UPF2: variants seen among roughly 807,000 people sequenced by gnomAD.
UPF2 encodes regulator of nonsense transcripts 2.
A neutral mutation model predicts 141.4 loss-of-function variants in UPF2; 17 were observed. The ratio of observed to expected loss-of-function variants is 0.12; its 90% CI spans 0.08 to 0.18. UPF2 has a LOEUF of 0.18. Ranked by LOEUF, UPF2 falls within the 10% of genes least tolerant of loss-of-function variation. The pLI, the probability that UPF2 is intolerant of heterozygous loss-of-function variation, is 1.00. For missense variants in UPF2, 1,152 were observed against 1,515.9 expected (o/e 0.76, Z 3.99); for synonymous variants, 540 against 498.0 (o/e 1.08, Z -1.12).
chr10:12,031,035 G>A (rs1465154231), intron 2 of UPF2, among the ~76,000 whole-genome samples: 11 of 147,900 alleles, frequency 7.4e-5, no homozygotes, highest in East Asian at 4.0e-4. Flanking sequence ...TTAGCCGGGC[G>A]CAGTGGCAGG....
chr10:11,954,646 AT>A lies in UPF2; in HGVS notation c.2850+585del, dbSNP rs200603678. Among the ~76,000 whole-genome samples, 423 of 59,626 alleles carry A rather than the reference AT, an allele frequency of 7.1e-3. 3 individuals are homozygous for A. Among genetic ancestry groups the A allele is most frequent in the African/African-American group, 0.014 (274 of 19,126 alleles). The allele number at this position is 59,626 out of a possible 152,430, so 39.1% of individuals were successfully genotyped here. On this transcript the variant is annotated intron_variant, in intron 14 of 21. Coordinates refer to ENST00000357604, the MANE Select transcript of UPF2 (RefSeq NM_015542.4). ...AAGACTTACTCTCAAAAAAAAAAAT[AT>A]ATATATATATATATACATATATATA...
chr10:11,999,512 C>CAA (rs1325502291), intron 7 of UPF2, among the ~76,000 whole-genome samples: 146 of 99,754 alleles, frequency 1.5e-3, no homozygotes, highest in African/African-American at 2.9e-3. Context: ...GACTCCATCT[C>CAA]AAAAAAAAAA....
At chr10:12,005,357 G>C (rs992168954) in intron 4 of UPF2, among the ~76,000 whole-genome samples, 1 of 152,174 alleles carries the variant, frequency 6.6e-6, no homozygotes, top group Non-Finnish European at 1.5e-5. Flanking sequence ...AGATTCTAAA[G>C]AACAGAAGTC....
intron 8 of UPF2, among the ~76,000 whole-genome samples, chr10:11,991,569 T>C (rs573523503): frequency 3.5e-4 from 54 of 152,180 alleles, no homozygotes; most frequent in African/African-American, 1.3e-3. Context: ...ATTTACTTGA[T>C]TAATTAGAGA....
chr10:12,025,510 C>G (rs749394141), intron 3 of UPF2, among the ~76,000 whole-genome samples: 2 of 152,050 alleles, frequency 1.3e-5, no homozygotes, highest in Non-Finnish European at 1.5e-5. Flanking sequence ...AAGACCATGA[C>G]ACTGCATTCC....
chr10:11,964,178 G>C, intron 10 of UPF2, 53 bp from the exon 11 acceptor site: 1 of 1,344,624 alleles, frequency 7.4e-7, no homozygotes, highest in Non-Finnish European at 1.0e-6. Flanking sequence ...AATCCTAGTA[G>C]AGAAGAAATT....
chr10:11,931,684 G>T lies in UPF2; in HGVS notation c.3645C>A (p.Leu1215=). The change falls in exon 20 of 22, where the codon CTC becomes CTA. Residue 1215 remains leucine (L), a synonymous_variant. Coordinates refer to ENST00000357604, the MANE Select transcript of UPF2 (RefSeq NM_015542.4). The surrounding 1 kb of genome is among the most constrained non-coding windows in gnomAD (Gnocchi z 5.9). Reference sequence around the variant, plus strand: ...CTTGCCGTTCATTGATATCTAGTGTGAGCTTTTTCATTCTCATCCTCTCTT... The same window carrying T: ...CTTGCCGTTCATTGATATCTAGTGTTAGCTTTTTCATTCTCATCCTCTCTT... ...EQEERMRMKK[L]TLDINERQEQ... The T allele has an allele frequency of 6.2e-7, 1 of 1,612,990 alleles. No homozygotes were observed. The highest frequency in any genetic ancestry group is 8.5e-7 in the Non-Finnish European group (1 of 1,179,822).
rs151218249 is a variant in UPF2, at chr10:11,967,211, C to T, written c.2067+130G>A. ...TTTTGTATTTTGCACACTTGTTTAA[C>T]GTTACTTTTTCTTCCTTTCTTGGTC... is the stretch of plus-strand genomic sequence containing the variant. On this transcript the variant is annotated intron_variant, in intron 10 of 21. Coordinates refer to ENST00000357604, the MANE Select transcript of UPF2 (RefSeq NM_015542.4). 693 of 519,252 alleles carry T rather than the reference C, an allele frequency of 1.3e-3. 4 individuals are homozygous for T. Among genetic ancestry groups the T allele is most frequent in the African/African-American group, 0.012 (618 of 49,900 alleles). The allele number at this position is 519,252 out of a possible 1,614,324, so 32.2% of individuals were successfully genotyped here.
chr10:12,021,270 C>T (rs1412714721), intron 3 of UPF2, among the ~76,000 whole-genome samples: 1 of 151,910 alleles, frequency 6.6e-6, no homozygotes, highest in Non-Finnish European at 1.5e-5. Flanking sequence ...TGGCTCATGC[C>T]TGTAATCTCA....
At chr10:12,012,429 A>T (rs1372645376) in intron 4 of UPF2, among the ~76,000 whole-genome samples, 1 of 152,206 alleles carries the variant, frequency 6.6e-6, no homozygotes, top group Non-Finnish European at 1.5e-5. Context: ...GAAAGTTCTG[A>T]GAAACAAGCC....
chr10:11,956,190 T>A lies in UPF2; in HGVS notation c.2574+130A>T. 2 of 864,578 alleles carry A rather than the reference T, an allele frequency of 2.3e-6. 1 individual carries two copies. Among genetic ancestry groups the A allele is most frequent in the Middle Eastern group, 6.4e-4 (2 of 3,108 alleles). The allele number at this position is 864,578 out of a possible 1,614,324, so 53.6% of individuals were successfully genotyped here. Reference sequence around the variant, plus strand: ...GGAAAGTGTTTACAGGAAATTCTTATAAAATGATTATCAGCTTTTTCTAAC... The same window carrying A: ...GGAAAGTGTTTACAGGAAATTCTTAAAAAATGATTATCAGCTTTTTCTAAC... On this transcript the variant is annotated intron_variant, in intron 13 of 21. Transcript: ENST00000357604. The surrounding 1 kb of genome is among the most constrained non-coding windows in gnomAD (Gnocchi z 4.2).
intron 19 of UPF2, among the ~76,000 whole-genome samples, chr10:11,933,366 A>G (rs767475555): frequency 1.3e-5 from 2 of 152,238 alleles, no homozygotes; most frequent in Admixed American, 1.3e-4. Flanking sequence ...AAAAAACTGA[A>G]TATTTTCCAA....
chr10:11,976,911 C>A (rs1284275449), intron 9 of UPF2, among the ~76,000 whole-genome samples: 4 of 152,178 alleles, frequency 2.6e-5, no homozygotes, highest in African/African-American at 9.7e-5. Flanking sequence ...TTAAAAGATG[C>A]AGTTATGAAC....
chr10:12,037,137 T>C (rs565700127), intron 1 of UPF2, among the ~76,000 whole-genome samples: 1 of 152,188 alleles, frequency 6.6e-6, no homozygotes, highest in African/African-American at 2.4e-5. Flanking sequence ...CAGGCTGGAG[T>C]GCAGTGGCAC....
rs368138315 is a variant in UPF2 at position 11,970,594 on chromosome 10, T to C, written c.1954-3140A>G. On this transcript the variant is annotated intron_variant, in intron 9 of 21. Coordinates refer to ENST00000357604, the MANE Select transcript of UPF2 (RefSeq NM_015542.4). ...TGGAAGGCCAAGGCAGGTGGATCAC[T>C]TGAGGTCAGGAGTTTGAGACCAGCC... Among the ~76,000 whole-genome samples, 3 of 152,230 alleles carry C rather than the reference T, an allele frequency of 2.0e-5. No individual in the cohort carries two copies. The South Asian group carries it at 6.2e-4, about 32-fold the overall frequency.
In UPF2 at chr10:11,921,058, A is replaced by C. The variant is rs1445703450; in HGVS notation, c.*240T>G. On this transcript the variant is annotated 3_prime_UTR_variant, in exon 22 of 22. Transcript: ENST00000357604. The surrounding 1 kb of genome is among the most constrained non-coding windows in gnomAD (Gnocchi z 5.9). ...GACTGCCATTCTCAAGAGAAGATTA[A>C]CCCTCGCGAGATTTCCATTACAAAA... 4 of 741,096 alleles carry C rather than the reference A, an allele frequency of 5.4e-6. No homozygotes were observed. The East Asian group carries it at 1.0e-4, about 19-fold the overall frequency. The allele number at this position is 741,096 out of a possible 1,614,324, so 45.9% of individuals were successfully genotyped here.
At chr10:11,943,004 A>G in intron 17 of UPF2, 60 bp downstream of exon 17, 1 of 1,270,272 alleles carries the variant, frequency 7.9e-7, no homozygotes. Flanking sequence ...CGTGACTAAA[A>G]TTCAAATACT....
At chr10:12,000,153 C>G in intron 6 of UPF2, 144 bp from the exon 7 acceptor site, 1 of 657,378 alleles carries the variant, frequency 1.5e-6, no homozygotes, top group Non-Finnish European at 2.6e-6. Flanking sequence ...AGAATATTAT[C>G]CTAGAAAGTT....
chr10:12,031,153 G>T (rs1411492897), intron 2 of UPF2, among the ~76,000 whole-genome samples: 1 of 116,972 alleles, frequency 8.5e-6, no homozygotes, highest in African/African-American at 3.3e-5. Context: ...CGGCCTGGGC[G>T]AAAGAGCAAG....
Sources: gnomAD v4.1 joint callset for allele counts (sites outside exome capture counted in the v4.1 genomes callset) on GRCh38, gnomAD v4.1.1 for gene constraint, Gnocchi (gnomAD v3.1) non-coding constraint, MANE v1.5 for transcripts, NCBI Gene and HGNC (gene_info 2026-07-23, HGNC 2026-07-21) for gene names.